The following PMM2 variants were observed in gnomAD, a reference collection of about 807,000 sequenced individuals.
PMM2 encodes phosphomannomutase 2.
A neutral mutation model predicts 33.2 loss-of-function variants in PMM2; 35 were observed. The ratio of observed to expected loss-of-function variants is 1.06; its 90% CI spans 0.81 to 1.40. The LOEUF (loss-of-function observed/expected upper bound fraction) is 1.40, where lower values mean the gene tolerates loss of function less well. Ranked by LOEUF, PMM2 falls within the 40% of genes most tolerant of loss-of-function variation. The pLI, the probability that PMM2 is intolerant of heterozygous loss-of-function variation, is 0.00. For missense variants in PMM2, 386 were observed against 306.0 expected, an observed-to-expected ratio of 1.26 and a Z score of -1.95; for synonymous variants, 153 against 114.7, an observed-to-expected ratio of 1.33 and a Z score of -2.13.
chr16:8,829,011 T>G (rs2060794090), intron 7 of PMM2, among the ~76,000 whole-genome samples: 1 of 152,154 alleles, frequency 6.6e-6, no homozygotes, highest in Non-Finnish European at 1.5e-5. Flanking sequence ...GGAGTCTCAC[T>G]CTATTGCCCA....
At chr16:8,836,177 A>C (rs111665973) in intron 7 of PMM2, among the ~76,000 whole-genome samples, 2,483 of 151,846 alleles carry the variant, frequency 0.016, 85 homozygotes, top group African/African-American at 0.053. Context: ...TAGCCTCCGT[A>C]TTGATTAAGA....
At chr16:8,804,455 G>T (rs1159864377) in intron 2 of PMM2, among the ~76,000 whole-genome samples, 1 of 152,110 alleles carries the variant, frequency 6.6e-6, no homozygotes, top group African/African-American at 2.4e-5. Context: ...GTTGCTGCTG[G>T]TGAACCATCA....
chr16:8,799,846 T>G (rs1010509351), intron 1 of PMM2, among the ~76,000 whole-genome samples: 1 of 152,130 alleles, frequency 6.6e-6, no homozygotes, highest in Non-Finnish European at 1.5e-5. Context: ...GTGTTCTGAC[T>G]TTTAAAGGCC....
intron 7 of PMM2, among the ~76,000 whole-genome samples, chr16:8,834,464 A>C (rs557957059): frequency 3.3e-5 from 5 of 151,874 alleles, no homozygotes; most frequent in African/African-American, 1.2e-4. Context: ...AAAGGCCTCT[A>C]CTTATCTAGT....
chr16:8,834,402 T>G (rs201502420), intron 7 of PMM2, among the ~76,000 whole-genome samples: 1 of 148,186 alleles, frequency 6.7e-6, no homozygotes, highest in African/African-American at 2.5e-5. Flanking sequence ...TGAGGAATTA[T>G]GTCTGACAGA....
chr16:8,810,857 A>T (rs181027002), intron 4 of PMM2: 23 of 584,786 alleles, frequency 3.9e-5, no homozygotes, highest in African/African-American at 3.2e-4. Context: ...TTCCTTTTTC[A>T]TACTAAATCT....
chr16:8,831,153 C>T (rs2060807404), intron 7 of PMM2, among the ~76,000 whole-genome samples: 1 of 151,930 alleles, frequency 6.6e-6, no homozygotes, highest in Admixed American at 6.6e-5. Flanking sequence ...ACAAAAAAAA[C>T]AAAGTTGAAC....
At chr16:8,839,941 G>A (rs1363635516) in intron 7 of PMM2, among the ~76,000 whole-genome samples, 3 of 147,330 alleles carry the variant, frequency 2.0e-5, no homozygotes, top group Non-Finnish European at 4.5e-5. Flanking sequence ...GATGTGAAAT[G>A]TCTGGGGAAG....
Position 8,801,722 on chromosome 16 carries a change from T to C in PMM2, c.67-77T>C, listed in dbSNP as rs186079168. On this transcript the variant is annotated intron_variant, in intron 1 of 7. Transcript: ENST00000268261. ...AAATAAGAAAATAAGACTTATGTAC[T>C]TGTGTTACCCTTAGAGTTTTGGTCT... 3,276 of 913,916 alleles carry C rather than the reference T, an allele frequency of 3.6e-3. 6 individuals carry two copies. The highest frequency in any genetic ancestry group is 5.0e-3 in the Non-Finnish European group (2,870 of 572,084). The allele number at this position is 913,916 out of a possible 1,614,324, so 56.6% of individuals were successfully genotyped here. A position where few individuals can be genotyped will look rare whatever the true frequency, so the allele number is the denominator to read the frequency against.
Position 8,813,069 on chromosome 16 carries a change from A to G in PMM2, c.602A>G (p.Tyr201Cys), listed in dbSNP as rs752007606. 4.8e-5 allele frequency: 78 copies of G among 1,611,614 alleles called. No homozygotes were observed. The South Asian group carries it at 8.3e-4, about 17-fold the overall frequency. ...CTGCGACATGTGGAAAATGACGGTTATAAGACCATTTATTTCTTTGGAGAC... is the reference window on the plus strand; with the variant it reads ...CTGCGACATGTGGAAAATGACGGTTGTAAGACCATTTATTTCTTTGGAGAC... ...YCLRHVENDG[Y>C]KTIYFFGDKT... The change falls in exon 7 of 8, where the codon TAT (tyrosine) becomes TGT (cysteine). Residue 201 changes from tyrosine (Y) to cysteine (C), a missense_variant. Tyr to Cys is a radical substitution (Grantham distance 194). Transcript: ENST00000268261.
intron 7 of PMM2, among the ~76,000 whole-genome samples, chr16:8,814,182 G>A (rs1403923910): frequency 6.6e-6 from 1 of 151,960 alleles, no homozygotes; most frequent in Non-Finnish European, 1.5e-5. Flanking sequence ...CATCATGTTG[G>A]CCAGGCTGGT....
intron 7 of PMM2, among the ~76,000 whole-genome samples, chr16:8,823,503 C>G (rs964465107): frequency 1.3e-5 from 2 of 152,254 alleles, no homozygotes; most frequent in African/African-American, 2.4e-5. Context: ...CGTAGTAGGA[C>G]AAGTTTACTT....
chr16:8,799,683 T>C lies in PMM2; in HGVS notation c.66+1735T>C, dbSNP rs8060560. On this transcript the variant is annotated intron_variant, in intron 1 of 7. Transcript: ENST00000268261. Reference sequence around the variant, plus strand: ...CTGCCTCAGGCAACCAAGTAGCTGGTGCTACAGGCAGGCACCACCACGCCT... The same window carrying C: ...CTGCCTCAGGCAACCAAGTAGCTGGCGCTACAGGCAGGCACCACCACGCCT... 9.1e-3 allele frequency among the ~76,000 whole-genome samples: 1,378 copies of C among 152,202 alleles called. 34 individuals carry two copies. Among genetic ancestry groups the C allele is most frequent in the African/African-American group, 0.032 (1,310 of 41,544 alleles).
chr16:8,823,754 T>C (rs2060751025), intron 7 of PMM2, among the ~76,000 whole-genome samples: 1 of 152,292 alleles, frequency 6.6e-6, no homozygotes, highest in Admixed American at 6.5e-5. Context: ...CCTAAGATAA[T>C]TTGGGGCTCC....
rs1394396151 is a variant in PMM2 at position 8,803,746 on chromosome 16, C to T, written c.179-1021C>T. Among the ~76,000 whole-genome samples the T allele has an allele frequency of 8.6e-5, 13 of 152,000 alleles. No individual in the cohort carries two copies. The East Asian group carries it at 1.9e-3, about 22-fold the overall frequency. On this transcript the variant is annotated intron_variant, in intron 2 of 7. Transcript: ENST00000268261. ...AGTCTTATTCTCTGGTGCAGTGGCA[C>T]AATCTTGGCTCACTGTAACCTCTGC...
At chr16:8,801,988 G>A in intron 2 of PMM2, 78 bp downstream of exon 2, 1 of 1,028,004 alleles carries the variant, frequency 9.7e-7, no homozygotes, top group South Asian at 1.3e-5. Flanking sequence ...ATCATAGGCT[G>A]CCCTAAAACC....
At chr16:8,804,681 T>G in intron 2 of PMM2, 86 bp from the exon 3 acceptor site, 2 of 876,794 alleles carry the variant, frequency 2.3e-6, no homozygotes, top group Non-Finnish European at 3.9e-6. Context: ...GTTTAGCGGT[T>G]TTATTGGTGG....
chr16:8,811,495 G>A, intron 5 of PMM2, 143 bp from the exon 6 acceptor site: 1 of 691,974 alleles, frequency 1.4e-6, no homozygotes, highest in Non-Finnish European at 2.6e-6. Context: ...GCTCCAGCCT[G>A]GGCAACAGAG....
intron 7 of PMM2, among the ~76,000 whole-genome samples, 196 bp downstream of exon 7, chr16:8,813,302 G>A (rs545876942): frequency 6.6e-6 from 1 of 152,320 alleles, no homozygotes; most frequent in African/African-American, 2.4e-5. Context: ...CCTCTGTGGA[G>A]GCAAGGATCA....
Sources: gnomAD v4.1 joint callset for allele counts (sites outside exome capture counted in the v4.1 genomes callset) on GRCh38, gnomAD v4.1.1 for gene constraint, MANE v1.5 for transcripts, NCBI Gene and HGNC (gene_info 2026-07-23, HGNC 2026-07-21) for gene names.